The following ROBO2 variants were observed in gnomAD, a reference collection of about 807,000 sequenced individuals.
ROBO2 encodes roundabout guidance receptor 2, also known as roundabout homolog 2.
In ROBO2, 53 loss-of-function variants were observed where a neutral mutation model predicts 160.8. The ratio of observed to expected loss-of-function variants is 0.33; its 90% CI spans 0.26 to 0.41. The LOEUF (loss-of-function observed/expected upper bound fraction) is 0.41, where lower values mean the gene tolerates loss of function less well. ROBO2 is among the 10% of genes least tolerant of loss of function. The pLI, the probability that ROBO2 is intolerant of heterozygous loss-of-function variation, is 1.00. For synonymous variants in ROBO2, 664 were observed against 611.7 expected, an observed-to-expected ratio of 1.09 and a Z score of -1.26; for missense variants, 1,577 against 1,722.4, an observed-to-expected ratio of 0.92 and a Z score of 1.49.
chr3:77,277,160 C>A (rs555379211), intron 2 of ROBO2, among the ~76,000 whole-genome samples: 11 of 75,374 alleles, frequency 1.5e-4, no homozygotes, highest in African/African-American at 5.9e-4. Context: ...TTCTTTCCTT[C>A]TTTCTTTCTT....
intron 2 of ROBO2, among the ~76,000 whole-genome samples, chr3:76,483,483 C>CGT (rs1462189906): frequency 1.3e-5 from 2 of 152,026 alleles, no homozygotes; most frequent in African/African-American, 4.8e-5. Context: ...TATACCATCT[C>CGT]CTTACAAGTC....
chr3:76,256,351 C>G (rs1223236851), intron 2 of ROBO2, among the ~76,000 whole-genome samples: 1 of 84,446 alleles, frequency 1.2e-5, no homozygotes, highest in African/African-American at 3.3e-5. Flanking sequence ...CTCTCTCTCT[C>G]TCACATACAC....
intron 2 of ROBO2, among the ~76,000 whole-genome samples, chr3:77,252,810 A>AAAAAAAAAG (rs2090494327): frequency 5.7e-5 from 3 of 52,828 alleles, no homozygotes; most frequent in African/African-American, 1.1e-4. Flanking sequence ...TCCATCTCAA[A>AAAAAAAAAG]AAAAAAAAAA....
At chr3:75,994,432 T>A (rs1177052368) in intron 2 of ROBO2, among the ~76,000 whole-genome samples, 1 of 152,042 alleles carries the variant, frequency 6.6e-6, no homozygotes, top group Admixed American at 6.5e-5. Flanking sequence ...AGGAGGGTGG[T>A]TTTCCACCAT....
At chr3:76,881,979 T>TTG (rs140384151) in intron 2 of ROBO2, among the ~76,000 whole-genome samples, 7,746 of 146,066 alleles carry the variant, frequency 0.053, 268 homozygotes, top group South Asian at 0.15. Context: ...TAGGTTGGTT[T>TTG]TGTGTGTGTG....
intron 2 of ROBO2, among the ~76,000 whole-genome samples, chr3:76,486,263 G>A (rs1195258886): frequency 1.3e-5 from 2 of 152,146 alleles, no homozygotes; most frequent in Non-Finnish European, 2.9e-5. Flanking sequence ...TCTTCTTTCT[G>A]GAGAAGGAAG....
chr3:77,241,861 G>A (rs1235020840), intron 2 of ROBO2, among the ~76,000 whole-genome samples: 1 of 152,100 alleles, frequency 6.6e-6, no homozygotes, highest in Non-Finnish European at 1.5e-5. Flanking sequence ...TATGTGGTTG[G>A]AATCTAAAAC....
intron 2 of ROBO2, among the ~76,000 whole-genome samples, chr3:75,958,582 A>AT (rs2107253206): frequency 6.6e-6 from 1 of 151,866 alleles, no homozygotes; most frequent in South Asian, 2.1e-4. Flanking sequence ...AAAGAAACTG[A>AT]TGCAGGAGGG....
chr3:76,971,643 C>G (rs2059578095), intron 2 of ROBO2, among the ~76,000 whole-genome samples: 1 of 152,046 alleles, frequency 6.6e-6, no homozygotes, highest in Non-Finnish European at 1.5e-5. Context: ...GTGTTGATTG[C>G]TTTAGACTTA....
intron 2 of ROBO2, among the ~76,000 whole-genome samples, chr3:77,196,664 T>C (rs2082338136): frequency 6.6e-6 from 1 of 152,168 alleles, no homozygotes; most frequent in Non-Finnish European, 1.5e-5. Flanking sequence ...TATTAATTCA[T>C]GCATATATAT....
chr3:77,183,591 A>G (rs1201986163), intron 2 of ROBO2, among the ~76,000 whole-genome samples: 1 of 151,996 alleles, frequency 6.6e-6, no homozygotes, highest in Non-Finnish European at 1.5e-5. Context: ...TGACCCCTTG[A>G]TCTTGAACTT....
At chr3:77,111,387 G>T (rs2073556706) in intron 2 of ROBO2, among the ~76,000 whole-genome samples, 2 of 152,074 alleles carry the variant, frequency 1.3e-5, no homozygotes, top group African/African-American at 2.4e-5. Flanking sequence ...AAAATTAGTT[G>T]TCGAGCTATC....
chr3:77,532,526 T>C (rs2091819396), intron 6 of ROBO2, among the ~76,000 whole-genome samples: 1 of 151,918 alleles, frequency 6.6e-6, no homozygotes, highest in Non-Finnish European at 1.5e-5. Flanking sequence ...TGTTTTACTT[T>C]CTCATTTCTT....
intron 1 of ROBO2, among the ~76,000 whole-genome samples, chr3:75,910,656 A>G (rs1386546566): frequency 1.3e-5 from 2 of 152,174 alleles, no homozygotes; most frequent in Non-Finnish European, 1.5e-5. Flanking sequence ...ATGGTTGACA[A>G]CCACCATTTT....
At chr3:77,494,643 A>G (rs1450054531) in intron 5 of ROBO2, among the ~76,000 whole-genome samples, 2 of 152,222 alleles carry the variant, frequency 1.3e-5, no homozygotes, top group African/African-American at 4.8e-5. Context: ...ACTGACTGAT[A>G]TTAACCATGC....
intron 2 of ROBO2, among the ~76,000 whole-genome samples, chr3:77,031,078 G>A (rs2063291866): frequency 6.6e-6 from 1 of 152,128 alleles, no homozygotes; most frequent in Admixed American, 6.5e-5. Flanking sequence ...CCTTGAAGGT[G>A]GGGCTTGTGT....
At chr3:77,339,760 T>TA (rs2066867619) in intron 2 of ROBO2, among the ~76,000 whole-genome samples, 3 of 150,964 alleles carry the variant, frequency 2.0e-5, no homozygotes, top group Admixed American at 6.6e-5. Context: ...ATAATATATA[T>TA]TTTAAAAAAA....
intron 2 of ROBO2, among the ~76,000 whole-genome samples, chr3:77,034,805 G>T (rs554748233): frequency 2.0e-5 from 3 of 151,984 alleles, no homozygotes; most frequent in Non-Finnish European, 2.9e-5. Flanking sequence ...GCTATGTATT[G>T]CTAAAATTTA....
At chr3:76,264,662 C>A (rs924271300) in intron 2 of ROBO2, among the ~76,000 whole-genome samples, 5 of 152,046 alleles carry the variant, frequency 3.3e-5, no homozygotes, top group African/African-American at 1.2e-4. Context: ...AATTTTTTCA[C>A]TTTCAGAGGT....
Sources: gnomAD v4.1 joint callset for allele counts (sites outside exome capture counted in the v4.1 genomes callset) on GRCh38, gnomAD v4.1.1 for gene constraint, MANE v1.5 for transcripts, NCBI Gene and HGNC (gene_info 2026-07-23, HGNC 2026-07-21) for gene names.